NXN: variants seen among roughly 807,000 people sequenced by gnomAD.
NXN encodes the protein nucleoredoxin 1.
Under a neutral mutation model 48.6 loss-of-function variants are expected in NXN, and 16 were observed. The ratio of observed to expected loss-of-function variants is 0.33; its 90% CI spans 0.22 to 0.50. The LOEUF (loss-of-function observed/expected upper bound fraction) is 0.50. NXN is among the 20% of genes least tolerant of loss of function. NXN has a pLI of 0.98. For synonymous variants in NXN, 281 were observed against 269.6 expected (o/e 1.04, Z -0.41); for missense variants, 492 against 605.5 (o/e 0.81, Z 1.97).
At chr17:820,507 G>C (rs1912767771) in intron 4 of NXN, among the ~76,000 whole-genome samples, 1 of 148,906 alleles carries the variant, frequency 6.7e-6, no homozygotes. Context: ...AGCTACTTGG[G>C]AGGCTGAGGC....
chr17:946,787 G>A (rs1048396835), intron 1 of NXN, among the ~76,000 whole-genome samples: 1 of 152,226 alleles, frequency 6.6e-6, no homozygotes, highest in Non-Finnish European at 1.5e-5. Context: ...TCCTCACCTG[G>A]AAAATGGGGG....
chr17:898,758 G>A (rs7222306), intron 1 of NXN, among the ~76,000 whole-genome samples: 4,008 of 69,594 alleles, frequency 0.058, 1,235 homozygotes, highest in African/African-American at 0.12. Context: ...AGCTGAGGTG[G>A]GAGGACTGCT....
Position 841,703 on chromosome 17 carries a change from G to A in NXN, c.361-15625C>T, listed in dbSNP as rs972152410. ...CCCTGACCATGGCACATCTCACGCC[G>A]GTGAGCAGGTCCACCCTGACAAAGG... On this transcript the variant is annotated intron_variant, in intron 1 of 7. Coordinates refer to ENST00000336868, the MANE Select transcript of NXN (RefSeq NM_022463.5). 5.6e-5 allele frequency among the ~76,000 whole-genome samples: 8 copies of A among 142,488 alleles called. 1 individual carries two copies. The highest frequency in any genetic ancestry group is 1.0e-4 in the Non-Finnish European group (7 of 67,340). 93.5% of individuals were successfully genotyped at this position (142,488 alleles called of 152,430 possible). A position where few individuals can be genotyped will look rare whatever the true frequency, so the allele number is the denominator to read the frequency against.
chr17:906,282 G>C (rs891852345), intron 1 of NXN, among the ~76,000 whole-genome samples: 1 of 151,994 alleles, frequency 6.6e-6, no homozygotes, highest in African/African-American at 2.4e-5. Context: ...AAGTGTCCAG[G>C]GTTCTACTTA....
At chr17:961,251 G>A (rs987365937) in intron 1 of NXN, among the ~76,000 whole-genome samples, 7 of 152,124 alleles carry the variant, frequency 4.6e-5, no homozygotes, top group South Asian at 2.1e-4. Context: ...AAAATTAGCC[G>A]GGTGTGGTGG....
intron 1 of NXN, chr17:864,082 G>T (rs12946390): frequency 2.9e-6 from 4 of 1,357,040 alleles, no homozygotes; most frequent in Non-Finnish European, 3.8e-6. Context: ...CACAGTTACC[G>T]TTGCTCGGTT....
In NXN at chr17:812,877, TGC is replaced by T. The variant is rs200380237; in HGVS notation, c.820+6560_820+6561del. Among the ~76,000 whole-genome samples the T allele has an allele frequency of 6.4e-3, 952 of 148,712 alleles. 13 individuals carry two copies. The highest frequency in any genetic ancestry group is 0.023 in the African/African-American group (912 of 39,744). On this transcript the variant is annotated intron_variant, in intron 5 of 7. Transcript: ENST00000336868. ...ATGTGTGTAGGTGTGTGTGGGTGTG[TGC>T]GCACATGTGAATGTAGGTGTGTGCA...
intron 1 of NXN, among the ~76,000 whole-genome samples, chr17:836,906 C>T (rs11651777): frequency 1.3e-5 from 2 of 152,104 alleles, no homozygotes; most frequent in African/African-American, 4.8e-5. Flanking sequence ...ATCCTCCCAC[C>T]TCAGCCTCCC....
intron 5 of NXN, among the ~76,000 whole-genome samples, chr17:817,452 A>G (rs516884): frequency 0.7 from 106,063 of 151,732 alleles, 38,463 homozygotes; most frequent in African/African-American, 0.9. Flanking sequence ...GGCGGATCAC[A>G]AGGTCAAGAG....
At position 956,341 on chromosome 17, in the gene NXN, C is replaced by T. The variant is rs62067254; in HGVS notation, c.360+22978G>A. ...CTGCCCTCAGGAAACCATCGGGTCT[C>T]GTGGAACAGAACAGTGGTCACCGTC... On this transcript the variant is annotated intron_variant, in intron 1 of 7. Coordinates refer to ENST00000336868, the MANE Select transcript of NXN (RefSeq NM_022463.5). This position sits in a 1 kb window ranked among gnomAD's most constrained non-coding sequence, Gnocchi z 4.1. Among the ~76,000 whole-genome samples, 5,483 of 152,264 alleles carry T rather than the reference C, an allele frequency of 0.036. 189 individuals carry two copies. The highest frequency in any genetic ancestry group is 0.088 in the African/African-American group (3,671 of 41,550).
chr17:915,812 G>C (rs200477050), intron 1 of NXN, among the ~76,000 whole-genome samples: 4 of 125,524 alleles, frequency 3.2e-5, no homozygotes, highest in Non-Finnish European at 6.5e-5. Flanking sequence ...TAAAATGGGC[G>C]GCCACTTATG....
At chr17:851,068 A>G (rs62068394) in intron 1 of NXN, among the ~76,000 whole-genome samples, 44,663 of 152,174 alleles carry the variant, frequency 0.29, 6,855 homozygotes, top group African/African-American at 0.35. Context: ...TCGGGAGCAC[A>G]GCTTCCTGGG....
chr17:811,569 G>T (rs1190108592), intron 5 of NXN, among the ~76,000 whole-genome samples: 1 of 152,058 alleles, frequency 6.6e-6, no homozygotes, highest in Non-Finnish European at 1.5e-5. Context: ...GTGGGGGGAC[G>T]CCAAATGCCA....
chr17:819,708 C>T (rs547331636), intron 4 of NXN, among the ~76,000 whole-genome samples, 163 bp from the exon 5 acceptor site: 26 of 152,270 alleles, frequency 1.7e-4, no homozygotes, highest in African/African-American at 4.8e-4. Flanking sequence ...TATTCTACCC[C>T]GGCTGGTGTC....
chr17:876,040 G>C (rs1429602439), intron 1 of NXN, among the ~76,000 whole-genome samples: 2 of 152,054 alleles, frequency 1.3e-5, no homozygotes, highest in African/African-American at 4.8e-5. Flanking sequence ...AATTAGCCGG[G>C]CGTGGTGGCG....
At chr17:859,713 G>C (rs7209784) in intron 1 of NXN, among the ~76,000 whole-genome samples, 1 of 152,236 alleles carries the variant, frequency 6.6e-6, no homozygotes, top group East Asian at 1.9e-4. Flanking sequence ...CATCAAACGC[G>C]ATTCAATGGA....
chr17:904,572 C>G (rs1462949391), intron 1 of NXN, among the ~76,000 whole-genome samples: 1 of 152,154 alleles, frequency 6.6e-6, no homozygotes, highest in Non-Finnish European at 1.5e-5. Flanking sequence ...GAGACACAGC[C>G]TCACTCTGTC....
At chr17:961,752 A>C (rs565148179) in intron 1 of NXN, among the ~76,000 whole-genome samples, 1 of 152,338 alleles carries the variant, frequency 6.6e-6, no homozygotes, top group Admixed American at 6.5e-5. Context: ...TTCCCATAGC[A>C]ACCCTTTGAC....
intron 1 of NXN, among the ~76,000 whole-genome samples, chr17:911,754 C>T (rs867352091): frequency 2.1e-5 from 3 of 143,372 alleles, no homozygotes; most frequent in Non-Finnish European, 4.6e-5. Flanking sequence ...GTGTGAGCCA[C>T]AGGGCCCGGC....
Sources: allele counts gnomAD v4.1 joint callset (sites outside exome capture counted in the v4.1 genomes callset), GRCh38; gene constraint gnomAD v4.1.1; non-coding constraint Gnocchi (gnomAD v3.1); transcripts MANE v1.5; gene names NCBI Gene and HGNC (gene_info 2026-07-23, HGNC 2026-07-21).